Variants in KLHL29 observed in about 807,000 individuals in gnomAD.
KLHL29 encodes the protein kelch like family member 29.
KLHL29 carries 21 observed loss-of-function variants against 80.4 expected under a neutral mutation model. That is an observed-to-expected ratio of 0.26 (90% CI 0.19 to 0.38). The LOEUF (loss-of-function observed/expected upper bound fraction) is 0.38. Ranked by LOEUF, KLHL29 falls within the 10% of genes least tolerant of loss-of-function variation. The pLI is 1.00. For synonymous variants in KLHL29, 511 were observed against 526.8 expected (o/e 0.97, Z 0.41); for missense variants, 867 against 1,223.9 (o/e 0.71, Z 4.35).
At chr2:23,548,755 T>C (rs1369139816) in intron 2 of KLHL29, among the ~76,000 whole-genome samples, 1 of 152,234 alleles carries the variant, frequency 6.6e-6, no homozygotes, top group Non-Finnish European at 1.5e-5. Flanking sequence ...GGGGACTGTT[T>C]AGCATCATAG....
intron 2 of KLHL29, among the ~76,000 whole-genome samples, chr2:23,527,805 G>A (rs1398352428): frequency 6.6e-6 from 1 of 152,206 alleles, no homozygotes; most frequent in African/African-American, 2.4e-5. Context: ...CCCAGGCCTT[G>A]ATCTTGATTC....
At chr2:23,619,938 G>A (rs1234075537) in intron 3 of KLHL29, among the ~76,000 whole-genome samples, 1 of 152,176 alleles carries the variant, frequency 6.6e-6, no homozygotes, top group Non-Finnish European at 1.5e-5. Flanking sequence ...AGGACTTAGA[G>A]TCCAGTAGCT....
At chr2:23,628,378 C>CCACAGGGGG (rs1358626993) in intron 3 of KLHL29, among the ~76,000 whole-genome samples, 3 of 152,244 alleles carry the variant, frequency 2.0e-5, no homozygotes, top group Admixed American at 1.3e-4. Context: ...GCTGGGAAGG[C>CCACAGGGGG]CATAGGGGGC....
At chr2:23,580,861 C>T (rs1291274327) in intron 3 of KLHL29, among the ~76,000 whole-genome samples, 1 of 143,918 alleles carries the variant, frequency 6.9e-6, no homozygotes, top group African/African-American at 2.6e-5. Flanking sequence ...GCCTGTAGTC[C>T]TAGCTACTCA....
At chr2:23,630,823 A>T (rs1669449000) in intron 3 of KLHL29, among the ~76,000 whole-genome samples, 1 of 152,104 alleles carries the variant, frequency 6.6e-6, no homozygotes, top group Non-Finnish European at 1.5e-5. Flanking sequence ...GGCCCTTATT[A>T]TTCTCATCTG....
chr2:23,611,879 G>GAAAA (rs1458340825), intron 3 of KLHL29, among the ~76,000 whole-genome samples: 1 of 116,038 alleles, frequency 8.6e-6, no homozygotes, highest in Non-Finnish European at 1.8e-5. Flanking sequence ...TTTAACAGAT[G>GAAAA]CAACCAAAAA....
intron 3 of KLHL29, among the ~76,000 whole-genome samples, chr2:23,613,551 G>A (rs956006133): frequency 1.3e-5 from 2 of 152,046 alleles, no homozygotes; most frequent in Middle Eastern, 3.4e-3. Context: ...GGATCACAAG[G>A]TCAGGAATTC....
At chr2:23,635,839 G>T (rs1669593424) in intron 3 of KLHL29, among the ~76,000 whole-genome samples, 1 of 152,238 alleles carries the variant, frequency 6.6e-6, no homozygotes, top group South Asian at 2.1e-4. Context: ...GGTCTGGGTG[G>T]CTTCACTGGT....
At position 23,613,624 on chromosome 2, in the gene KLHL29, G is replaced by A. The variant is rs144098971; in HGVS notation, c.286-25515G>A. On this transcript the variant is annotated intron_variant, in intron 3 of 13. Transcript: ENST00000486442. ...ACTAAAAATACAAACATTAGCCGGG[G>A]GTGGTGGCACGCGCCTGTAATCCCA... is the stretch of plus-strand genomic sequence containing the variant. Among the ~76,000 whole-genome samples, 659 of 151,764 alleles carry A rather than the reference G, an allele frequency of 4.3e-3. 5 individuals are homozygous for A. Among genetic ancestry groups the A allele is most frequent in the African/African-American group, 0.015 (634 of 41,382 alleles).
At chr2:23,601,438 A>G (rs1018756127) in intron 3 of KLHL29, among the ~76,000 whole-genome samples, 3 of 152,176 alleles carry the variant, frequency 2.0e-5, no homozygotes, top group African/African-American at 7.2e-5. Flanking sequence ...ATAAGGGAGT[A>G]AAATTCTGCC....
intron 3 of KLHL29, among the ~76,000 whole-genome samples, chr2:23,581,758 G>A (rs990785464): frequency 2.0e-5 from 3 of 148,810 alleles, no homozygotes; most frequent in Non-Finnish European, 4.4e-5. Flanking sequence ...AACCCGGGAG[G>A]TGGAGGTTGC....
intron 2 of KLHL29, among the ~76,000 whole-genome samples, chr2:23,535,610 T>C (rs540532144): frequency 1.3e-5 from 2 of 152,266 alleles, no homozygotes; most frequent in African/African-American, 4.8e-5. Context: ...TACTACAACA[T>C]AGATGAACCT....
rs909257454 is a variant in KLHL29 at position 23,679,927 on chromosome 2, G to A, written c.941-4472G>A. Among the ~76,000 whole-genome samples, 9 of 152,312 alleles carry A rather than the reference G, an allele frequency of 5.9e-5. No individual in the cohort carries two copies. The South Asian group carries it at 1.7e-3, about 28-fold the overall frequency. On this transcript the variant is annotated intron_variant, in intron 5 of 13. Transcript: ENST00000486442. The stretch of plus-strand genomic sequence containing the variant: ...GGAGGGGACGGAGACTTGGAGTGGG[G>A]ACGTGTGTGGGGTGCAAGGAGGCTT...
chr2:23,599,444 A>G (rs1203261208), intron 3 of KLHL29, among the ~76,000 whole-genome samples: 1 of 152,092 alleles, frequency 6.6e-6, no homozygotes, highest in East Asian at 1.9e-4. Context: ...CTCCTAAAGT[A>G]GTGAAATATC....
rs1671943174 is a variant in KLHL29 at position 23,696,201 on chromosome 2, G to A, written c.1924+68G>A. Reference sequence around the variant, plus strand: ...CCAAGGGGACTGCTCCCCACGTCAGGGCTGAGGAAGGCCATGGCCCAGAAG... The same window carrying A: ...CCAAGGGGACTGCTCCCCACGTCAGAGCTGAGGAAGGCCATGGCCCAGAAG... On this transcript the variant is annotated intron_variant, in intron 10 of 13. Coordinates refer to ENST00000486442, the MANE Select transcript of KLHL29 (RefSeq NM_052920.2). The surrounding 1 kb of genome is among the most constrained non-coding windows in gnomAD (Gnocchi z 5.5). 7 of 1,501,992 alleles carry A rather than the reference G, an allele frequency of 4.7e-6. No homozygotes were observed. Among genetic ancestry groups the A allele is most frequent in the East Asian group, 2.5e-5 (1 of 40,650 alleles). 93.0% of individuals were successfully genotyped at this position (1,501,992 alleles called of 1,614,324 possible). A position where few individuals can be genotyped will look rare whatever the true frequency, so the allele number is the denominator to read the frequency against.
chr2:23,481,047 T>C (rs1371379760), intron 2 of KLHL29, among the ~76,000 whole-genome samples: 1 of 152,232 alleles, frequency 6.6e-6, no homozygotes, highest in East Asian at 1.9e-4. Context: ...CTCGAAACGG[T>C]AACTCTCAAC....
chr2:23,527,745 G>T (rs1263655654), intron 2 of KLHL29, among the ~76,000 whole-genome samples: 6 of 152,210 alleles, frequency 3.9e-5, no homozygotes, highest in Admixed American at 3.9e-4. Context: ...GAAACTGAGG[G>T]CCAGGTGGTT....
intron 1 of KLHL29, among the ~76,000 whole-genome samples, chr2:23,444,810 T>A (rs991918787): frequency 2.6e-5 from 4 of 152,214 alleles, no homozygotes; most frequent in African/African-American, 9.7e-5. Context: ...AGATGTACGA[T>A]CAGAGTTCAA....
intron 2 of KLHL29, among the ~76,000 whole-genome samples, chr2:23,492,136 C>T (rs1026928796): frequency 6.6e-6 from 1 of 152,314 alleles, no homozygotes; most frequent in African/African-American, 2.4e-5. Flanking sequence ...AGGCCAAGTT[C>T]CAGACACCTG....
Sources: gnomAD v4.1 joint callset for allele counts (sites outside exome capture counted in the v4.1 genomes callset) on GRCh38, gnomAD v4.1.1 for gene constraint, Gnocchi (gnomAD v3.1) non-coding constraint, MANE v1.5 for transcripts, NCBI Gene and HGNC (gene_info 2026-07-23, HGNC 2026-07-21) for gene names.